Variants in GPC6 observed in about 807,000 individuals in gnomAD.
GPC6 encodes glypican-6.
Under a neutral mutation model 55.2 loss-of-function variants are expected in GPC6, and 14 were observed. The ratio of observed to expected loss-of-function variants is 0.25; its 90% CI spans 0.17 to 0.40. GPC6 has a LOEUF of 0.40. Among genes scored for constraint, GPC6 ranks in the 10% least tolerant of loss-of-function variants. The pLI is 1.00. For missense variants in GPC6, 641 were observed against 708.5 expected (o/e 0.90, Z 1.08); for synonymous variants, 278 against 259.6 (o/e 1.07, Z -0.68).
At chr13:93,652,619 C>G (rs181136565) in intron 2 of GPC6, among the ~76,000 whole-genome samples, 1 of 152,154 alleles carries the variant, frequency 6.6e-6, no homozygotes, top group African/African-American at 2.4e-5. Flanking sequence ...CTTTAATTGT[C>G]TCCATCCATT....
chr13:93,275,274 T>G (rs1164194732), intron 1 of GPC6, among the ~76,000 whole-genome samples: 1 of 152,176 alleles, frequency 6.6e-6, no homozygotes. Context: ...GTACATGAAA[T>G]GGCTTTTTCT....
chr13:93,269,607 A>T (rs1241593064), intron 1 of GPC6, among the ~76,000 whole-genome samples: 1 of 151,972 alleles, frequency 6.6e-6, no homozygotes, highest in East Asian at 1.9e-4. Flanking sequence ...TTGCTAGAAG[A>T]TCAACAGAAG....
At chr13:94,155,185 T>C (rs1044024821) in intron 4 of GPC6, among the ~76,000 whole-genome samples, 1 of 151,758 alleles carries the variant, frequency 6.6e-6, no homozygotes, top group African/African-American at 2.4e-5. Flanking sequence ...TAACCTATAG[T>C]CACCCCAAAA....
intron 6 of GPC6, among the ~76,000 whole-genome samples, chr13:94,354,222 T>A (rs1407453943): frequency 6.6e-6 from 1 of 152,106 alleles, no homozygotes. Context: ...GGACTCCACA[T>A]CAGTCTTTAT....
intron 6 of GPC6, among the ~76,000 whole-genome samples, chr13:94,313,335 A>C (rs1402021206): frequency 6.6e-6 from 1 of 152,204 alleles, no homozygotes; most frequent in Admixed American, 6.5e-5. Flanking sequence ...AATGGTATGC[A>C]CTGTTGGAAA....
At chr13:94,065,799 A>T (rs970288986) in intron 4 of GPC6, among the ~76,000 whole-genome samples, 1 of 152,126 alleles carries the variant, frequency 6.6e-6, no homozygotes, top group African/African-American at 2.4e-5. Flanking sequence ...GCATCTTGAG[A>T]TCTGATTAAT....
At chr13:93,522,480 T>G (rs1881458648) in intron 1 of GPC6, among the ~76,000 whole-genome samples, 1 of 152,020 alleles carries the variant, frequency 6.6e-6, no homozygotes, top group Non-Finnish European at 1.5e-5. Flanking sequence ...CAAATGTTTA[T>G]CTTACATATG....
intron 2 of GPC6, among the ~76,000 whole-genome samples, chr13:93,678,670 C>T (rs550690496): frequency 6.6e-6 from 1 of 152,228 alleles, no homozygotes; most frequent in South Asian, 2.1e-4. Flanking sequence ...GGCCATTCAT[C>T]CCACTCACCT....
chr13:93,497,094 T>G (rs1159633937), intron 1 of GPC6, among the ~76,000 whole-genome samples: 1 of 152,166 alleles, frequency 6.6e-6, no homozygotes, highest in Non-Finnish European at 1.5e-5. Context: ...AGCCTGACTC[T>G]CTATGGTTGA....
At chr13:93,719,081 C>T (rs1422075436) in intron 2 of GPC6, among the ~76,000 whole-genome samples, 1 of 151,906 alleles carries the variant, frequency 6.6e-6, no homozygotes, top group African/African-American at 2.4e-5. Flanking sequence ...TTTTTGGTTC[C>T]ATATAAAATT....
At chr13:93,733,168 C>T (rs897325110) in intron 2 of GPC6, among the ~76,000 whole-genome samples, 11 of 152,088 alleles carry the variant, frequency 7.2e-5, no homozygotes, top group African/African-American at 2.7e-4. Flanking sequence ...GGAAATTTAT[C>T]CTTCTACACT....
intron 1 of GPC6, among the ~76,000 whole-genome samples, chr13:93,405,397 T>C (rs182032894): frequency 1.4e-4 from 21 of 152,344 alleles, no homozygotes; most frequent in Admixed American, 1.2e-3. Flanking sequence ...CCAGAATTAA[T>C]GTCTAGCTCA....
intron 1 of GPC6, among the ~76,000 whole-genome samples, chr13:93,411,837 C>T (rs1876505426): frequency 1.3e-5 from 2 of 151,674 alleles, no homozygotes; most frequent in Admixed American, 6.6e-5. Flanking sequence ...CCCGTCTCTA[C>T]TAAAAATACA....
intron 6 of GPC6, among the ~76,000 whole-genome samples, chr13:94,312,933 A>C (rs1031680221): frequency 1.3e-5 from 2 of 152,212 alleles, no homozygotes; most frequent in Non-Finnish European, 2.9e-5. Context: ...CTACTGCTTC[A>C]TCCACTTCAG....
chr13:93,720,176 CT>C (rs1473732866), intron 2 of GPC6, among the ~76,000 whole-genome samples: 1 of 152,010 alleles, frequency 6.6e-6, no homozygotes, highest in African/African-American at 2.4e-5. Context: ...CCTTTTTGTA[CT>C]TTTGATAGAA....
intron 4 of GPC6, among the ~76,000 whole-genome samples, chr13:94,043,772 A>G (rs1883626890): frequency 6.6e-6 from 1 of 151,832 alleles, no homozygotes; most frequent in East Asian, 1.9e-4. Flanking sequence ...ATACTCCTTT[A>G]AGAAATATAT....
chr13:93,418,217 A>C (rs921360733), intron 1 of GPC6, among the ~76,000 whole-genome samples: 1 of 151,916 alleles, frequency 6.6e-6, no homozygotes, highest in African/African-American at 2.4e-5. Context: ...CATATAATGC[A>C]TAATAATCAC....
chr13:93,442,888 A>C (rs1566360092), intron 1 of GPC6, among the ~76,000 whole-genome samples: 1 of 152,166 alleles, frequency 6.6e-6, no homozygotes, highest in Non-Finnish European at 1.5e-5. Flanking sequence ...CTGATTGGTA[A>C]TTTATAATAT....
At chr13:94,052,431 G>A (rs1239380511) in intron 4 of GPC6, among the ~76,000 whole-genome samples, 1 of 152,084 alleles carries the variant, frequency 6.6e-6, no homozygotes. Context: ...TGAAAGTTTG[G>A]TTGGGGCTAG....
Sources: allele counts gnomAD v4.1 joint callset (sites outside exome capture counted in the v4.1 genomes callset), GRCh38; gene constraint gnomAD v4.1.1; transcripts MANE v1.5; gene names NCBI Gene and HGNC (gene_info 2026-07-23, HGNC 2026-07-21).